Variants in C6 observed in about 807,000 individuals in gnomAD.
C6 encodes the protein complement component C6.
A neutral mutation model predicts 112.9 loss-of-function variants in C6; 101 were observed. The ratio of observed to expected loss-of-function variants is 0.89; its 90% CI spans 0.76 to 1.06. C6 has a LOEUF of 1.06. Among genes scored for constraint, C6 ranks in the 50% least tolerant of loss-of-function variants. C6 has a pLI of 0.00. For synonymous variants in C6, 431 were observed against 384.1 expected (o/e 1.12, Z -1.43); for missense variants, 1,202 against 1,104.6 (o/e 1.09, Z -1.25).
In C6 at chr5:41,158,165, TA is replaced by T. The variant is rs200311656; in HGVS notation, c.1968+508del. ...TGTCTGACAAAATGTATTCAGCTTT[TA>T]AAAAAATCATAGAAACATGTTGTGG... On this transcript the variant is annotated intron_variant, in intron 13 of 17. Transcript: ENST00000337836. Among the ~76,000 whole-genome samples, 1,307 of 152,164 alleles carry T rather than the reference TA, an allele frequency of 8.6e-3. 20 individuals carry two copies. Among genetic ancestry groups the T allele is most frequent in the African/African-American group, 0.029 (1,194 of 41,516 alleles).
chr5:41,150,415 G>A (rs1239772824), intron 15 of C6, among the ~76,000 whole-genome samples: 1 of 152,166 alleles, frequency 6.6e-6, no homozygotes, highest in Non-Finnish European at 1.5e-5. Flanking sequence ...TCTTGTGGGT[G>A]CAGACAGACA....
At chr5:41,168,936 C>T (rs1478601561) in intron 9 of C6, among the ~76,000 whole-genome samples, 1 of 152,084 alleles carries the variant, frequency 6.6e-6, no homozygotes, top group Admixed American at 6.6e-5. Flanking sequence ...CAAGTAGTTC[C>T]TTAGTAGTCT....
At chr5:41,144,449 T>C (rs1745626386) in intron 17 of C6, among the ~76,000 whole-genome samples, 3 of 152,080 alleles carry the variant, frequency 2.0e-5, no homozygotes. Context: ...TTACTCTTTG[T>C]AGAGATAGGG....
chr5:41,189,533 G>C (rs1199543344), intron 5 of C6, among the ~76,000 whole-genome samples: 1 of 151,908 alleles, frequency 6.6e-6, no homozygotes, highest in African/African-American at 2.4e-5. Flanking sequence ...ACATATTTAT[G>C]GGGTACGTAG....
In C6 at chr5:41,199,820, C is replaced by G; in HGVS notation, c.393G>C (p.Lys131Asn). ...LVAFQPCIPS[K>N]LCKIEEADCK... ...AGTCAGCCTCTTCAATTTTGCAGAG[C>G]TTAGATGGAATGCATGGTTGAAAGG... The change falls in exon 4 of 18, where the codon AAG (lysine) becomes AAC (asparagine). Residue 131 changes from lysine to asparagine, a missense_variant. Transcript: ENST00000337836. 6.2e-7 allele frequency: 1 copy of G among 1,613,714 alleles called. No homozygotes were observed. Among genetic ancestry groups the G allele is most frequent in the South Asian group, 1.1e-5 (1 of 91,068 alleles).
chr5:41,158,958 G>C, intron 12 of C6, 124 bp downstream of exon 12: 1 of 1,273,266 alleles, frequency 7.9e-7, no homozygotes, highest in Non-Finnish European at 1.1e-6. Flanking sequence ...TTAATATTCT[G>C]TGTTGGCATA....
At chr5:41,204,306 C>A (rs1580184970) in intron 1 of C6, among the ~76,000 whole-genome samples, 1 of 152,132 alleles carries the variant, frequency 6.6e-6, no homozygotes, top group Non-Finnish European at 1.5e-5. Flanking sequence ...CTGCTTAGAA[C>A]AATTATTGGC....
intron 3 of C6, 23 bp from the exon 4 acceptor site, chr5:41,199,935 T>C (rs1459042774): frequency 6.2e-7 from 1 of 1,612,942 alleles, no homozygotes; most frequent in African/African-American, 1.3e-5. Flanking sequence ...AAGAGAAAGA[T>C]ATAACTCTGA....
chr5:41,159,701 T>C (rs1747285560), intron 11 of C6, among the ~76,000 whole-genome samples: 1 of 152,190 alleles, frequency 6.6e-6, no homozygotes, highest in African/African-American at 2.4e-5. Context: ...CTTAGTCCTG[T>C]ATGAAAACTT....
intron 1 of C6, among the ~76,000 whole-genome samples, chr5:41,212,738 A>G (rs1273864913): frequency 1.3e-5 from 2 of 152,188 alleles, no homozygotes; most frequent in African/African-American, 2.4e-5. Flanking sequence ...CATAGTTGCC[A>G]TCCCCTCTTG....
Position 41,199,832 on chromosome 5 carries a change from G to A in C6, c.381C>T (p.Cys127=), listed in dbSNP as rs1272010542. The A allele has an allele frequency of 1.2e-6, 2 of 1,613,576 alleles. No homozygotes were observed. The highest frequency in any genetic ancestry group is 1.7e-6 in the Non-Finnish European group (2 of 1,179,570). The change falls in exon 4 of 18, where the codon TGC becomes TGT. Residue 127 remains cysteine (C), a synonymous_variant. Coordinates refer to ENST00000337836, the MANE Select transcript of C6 (RefSeq NM_000065.5). ...CAATTTTGCAGAGCTTAGATGGAAT[G>A]CATGGTTGAAAGGCTACCAGAGGCG... is the stretch of plus-strand genomic sequence containing the variant. ...CTAPLVAFQP[C]IPSKLCKIEE...
At chr5:41,234,322 G>A (rs1020453573) in intron 1 of C6, among the ~76,000 whole-genome samples, 1 of 138,590 alleles carries the variant, frequency 7.2e-6, no homozygotes, top group African/African-American at 2.8e-5. Flanking sequence ...GGGATACTTT[G>A]TTATTCTACC....
At chr5:41,216,237 A>C (rs541947375), upstream of C6, among the ~76,000 whole-genome samples, 519 of 152,246 alleles carry the variant, frequency 3.4e-3, 1 homozygote, top group African/African-American at 0.012. Flanking sequence ...TCTATGTGAT[A>C]AATACAACCA....
At chr5:41,197,723 C>A (rs996317995) in intron 4 of C6, among the ~76,000 whole-genome samples, 1 of 152,002 alleles carries the variant, frequency 6.6e-6, no homozygotes, top group African/African-American at 2.4e-5. Context: ...GAAGAGGATA[C>A]CTCTTGAGGG....
At position 41,172,207 on chromosome 5, in the gene C6, A is replaced by G; in HGVS notation, c.1291+18T>C. ...CTCAGGGCACACTGGATAAGCTGCT[A>G]AGAGAGAGTACTGTTACCTTCATGT... On this transcript the variant is annotated intron_variant, in intron 9 of 17. Transcript: ENST00000337836. 6.2e-7 allele frequency: 1 copy of G among 1,613,322 alleles called. No individual in the cohort carries two copies. The highest frequency in any genetic ancestry group is 8.5e-7 in the Non-Finnish European group (1 of 1,179,346).
chr5:41,157,360 G>A (rs1311358935), intron 13 of C6, among the ~76,000 whole-genome samples: 1 of 152,196 alleles, frequency 6.6e-6, no homozygotes, highest in East Asian at 1.9e-4. Flanking sequence ...AAGTTATTTT[G>A]GTATCTGGAT....
At chr5:41,211,730 GT>G (rs573414169) in intron 1 of C6, among the ~76,000 whole-genome samples, 27 of 151,170 alleles carry the variant, frequency 1.8e-4, no homozygotes, top group East Asian at 1.4e-3. Context: ...CTTTGTTGTT[GT>G]TTTTTTTTCT....
intron 10 of C6, among the ~76,000 whole-genome samples, chr5:41,160,811 G>A (rs1747416672): frequency 6.6e-6 from 1 of 152,070 alleles, no homozygotes; most frequent in African/African-American, 2.4e-5. Flanking sequence ...GGCTTTTGTT[G>A]GAGTTAGATG....
At chr5:41,187,310 C>T (rs368914336) in intron 5 of C6, among the ~76,000 whole-genome samples, 5 of 152,190 alleles carry the variant, frequency 3.3e-5, no homozygotes, top group African/African-American at 1.2e-4. Flanking sequence ...GTCTGTTTCC[C>T]TTGTACTTCT....
Sources: allele counts gnomAD v4.1 joint callset (sites outside exome capture counted in the v4.1 genomes callset), GRCh38; gene constraint gnomAD v4.1.1; transcripts MANE v1.5; gene names NCBI Gene and HGNC (gene_info 2026-07-23, HGNC 2026-07-21).